Variants in RPAP2 observed in about 807,000 individuals in gnomAD.
RPAP2 encodes RNA polymerase II associated protein 2.
A neutral mutation model predicts 73.1 loss-of-function variants in RPAP2; 52 were observed. The observed-to-expected ratio is 0.71, with a 90% CI of 0.57 to 0.90. The LOEUF (loss-of-function observed/expected upper bound fraction) is 0.90. RPAP2 is among the 40% of genes least tolerant of loss of function. The probability of loss-of-function intolerance (pLI) is 0.00; values close to 1 mark genes in which losing one functional copy is unlikely to be tolerated. For synonymous variants in RPAP2, 225 were observed against 242.1 expected, an observed-to-expected ratio of 0.93 and a Z score of 0.65; for missense variants, 598 against 701.8, an observed-to-expected ratio of 0.85 and a Z score of 1.67.
intron 11 of RPAP2, among the ~76,000 whole-genome samples, chr1:92,365,533 A>C (rs906264770): frequency 6.6e-6 from 1 of 152,218 alleles, no homozygotes; most frequent in African/African-American, 2.4e-5. Flanking sequence ...ATTCTAGTGC[A>C]CATTGGTGTG....
At chr1:92,355,583 CTCTT>C (rs753826876) in intron 11 of RPAP2, among the ~76,000 whole-genome samples, 1 of 152,156 alleles carries the variant, frequency 6.6e-6, no homozygotes, top group Non-Finnish European at 1.5e-5. Context: ...TAGTCAGTCA[CTCTT>C]TCTATGGAAA....
intron 11 of RPAP2, among the ~76,000 whole-genome samples, chr1:92,353,415 A>T (rs1654313602): frequency 6.6e-6 from 1 of 152,216 alleles, no homozygotes; most frequent in African/African-American, 2.4e-5. Flanking sequence ...AAAAACTTAA[A>T]TATGCCTAAT....
intron 6 of RPAP2, among the ~76,000 whole-genome samples, chr1:92,317,231 C>G (rs773638522): frequency 1.3e-5 from 2 of 152,058 alleles, no homozygotes; most frequent in South Asian, 2.1e-4. Context: ...GTTGAAGGCT[C>G]GGTGCGGTGG....
intron 6 of RPAP2, among the ~76,000 whole-genome samples, 197 bp from the exon 7 acceptor site, chr1:92,320,402 A>T (rs1652180997): frequency 6.6e-6 from 1 of 151,908 alleles, no homozygotes; most frequent in African/African-American, 2.4e-5. Flanking sequence ...CCTCCTGAGT[A>T]GCTGGGACTA....
At chr1:92,334,316 C>A (rs78264226) in intron 9 of RPAP2, among the ~76,000 whole-genome samples, 3 of 151,916 alleles carry the variant, frequency 2.0e-5, no homozygotes, top group Non-Finnish European at 4.4e-5. Context: ...CAAAGTTAGA[C>A]CTTTTTTGGT....
rs375825116 is a variant in RPAP2 at position 92,315,340 on chromosome 1, A to G, written c.489-5259A>G. 1.6e-4 allele frequency among the ~76,000 whole-genome samples: 25 copies of G among 152,326 alleles called. No homozygotes were observed. In the East Asian group the frequency reaches 3.7e-3, roughly 22 times the overall value. ...GCTTGGTTCATGGTACCCCAAAGCAATTACAACAGTAACATCAAAAATTAC... is the reference window on the plus strand; with the variant it reads ...GCTTGGTTCATGGTACCCCAAAGCAGTTACAACAGTAACATCAAAAATTAC... On this transcript the variant is annotated intron_variant, in intron 6 of 12. Coordinates refer to ENST00000610020, the MANE Select transcript of RPAP2 (RefSeq NM_024813.3).
chr1:92,368,386 G>GA (rs796660206), intron 11 of RPAP2, among the ~76,000 whole-genome samples: 1 of 151,838 alleles, frequency 6.6e-6, no homozygotes, highest in Non-Finnish European at 1.5e-5. Context: ...CTCAAAAAAA[G>GA]AAAAAAATCC....
In RPAP2 at chr1:92,388,452, A is replaced by T. The variant is rs558796492; in HGVS notation, c.*1441A>T. 6.6e-6 allele frequency: 1 copy of T among 152,486 alleles called. No homozygotes were observed. The highest frequency in any genetic ancestry group is 2.4e-5 in the African/African-American group (1 of 41,594). The allele number at this position is 152,486 out of a possible 1,614,324, so 9.4% of individuals were successfully genotyped here. A position where few individuals can be genotyped will look rare whatever the true frequency, so the allele number is the denominator to read the frequency against. On this transcript the variant is annotated 3_prime_UTR_variant, in exon 13 of 13. Coordinates refer to ENST00000610020, the MANE Select transcript of RPAP2 (RefSeq NM_024813.3). The stretch of plus-strand genomic sequence containing the variant: ...CAGTCTACAGCTCCCAGCAGGATGG[A>T]CACAGAAGATGGGTGATTTCTGCAT...
chr1:92,354,725 A>G (rs1200338219), intron 11 of RPAP2, among the ~76,000 whole-genome samples: 1 of 152,032 alleles, frequency 6.6e-6, no homozygotes, highest in Non-Finnish European at 1.5e-5. Context: ...TGAAATGGAA[A>G]GTTCATAGTG....
At chr1:92,310,360 C>T (rs1255284703) in intron 6 of RPAP2, among the ~76,000 whole-genome samples, 1 of 152,182 alleles carries the variant, frequency 6.6e-6, no homozygotes, top group East Asian at 1.9e-4. Context: ...TTTTTAAAAG[C>T]TTGTCTAGCT....
At chr1:92,378,197 A>G (rs1655473501) in intron 11 of RPAP2, among the ~76,000 whole-genome samples, 1 of 151,890 alleles carries the variant, frequency 6.6e-6, no homozygotes, top group African/African-American at 2.4e-5. Flanking sequence ...TCATTCATTC[A>G]TTCATTCATT....
intron 11 of RPAP2, among the ~76,000 whole-genome samples, chr1:92,368,214 A>C (rs527464185): frequency 6.6e-6 from 1 of 152,268 alleles, no homozygotes; most frequent in South Asian, 2.1e-4. Context: ...CCCCATCTCT[A>C]ATAAAAATAC....
intron 10 of RPAP2, among the ~76,000 whole-genome samples, chr1:92,341,069 C>T (rs912248126): frequency 1.3e-5 from 2 of 152,120 alleles, no homozygotes. Flanking sequence ...ACTGCCGTGT[C>T]GTGATCTCAA....
At chr1:92,372,161 C>T (rs984381667) in intron 11 of RPAP2, among the ~76,000 whole-genome samples, 1 of 151,936 alleles carries the variant, frequency 6.6e-6, no homozygotes, top group Non-Finnish European at 1.5e-5. Context: ...ATGTAGATAC[C>T]CTAAATTGCT....
intron 11 of RPAP2, chr1:92,363,679 A>C: frequency 3.4e-6 from 1 of 294,682 alleles, no homozygotes. Flanking sequence ...TAGCAAGACC[A>C]ACCCCACTTC....
chr1:92,337,801 A>G (rs757500893), intron 10 of RPAP2, among the ~76,000 whole-genome samples: 5 of 152,132 alleles, frequency 3.3e-5, no homozygotes, highest in Non-Finnish European at 5.9e-5. Context: ...ATTCATCGTC[A>G]ATTCCCCAAC....
chr1:92,386,806 T>G (rs1216566641), intron 12 of RPAP2, among the ~76,000 whole-genome samples: 2 of 152,144 alleles, frequency 1.3e-5, no homozygotes, highest in African/African-American at 2.4e-5. Context: ...GTTCAAGCAA[T>G]TCTTCTGCCT....
In RPAP2 at chr1:92,387,503, A is replaced by C. The variant is rs1321622788; in HGVS notation, c.*492A>C. The C allele has an allele frequency of 3.3e-5, 5 of 152,268 alleles. No individual in the cohort carries two copies. The highest frequency in any genetic ancestry group is 1.2e-4 in the African/African-American group (5 of 41,462). The allele number at this position is 152,268 out of a possible 1,614,324, so 9.4% of individuals were successfully genotyped here. On this transcript the variant is annotated 3_prime_UTR_variant, in exon 13 of 13. Coordinates refer to ENST00000610020, the MANE Select transcript of RPAP2 (RefSeq NM_024813.3). ...GCCCTTTGGAAGTCTAGTCCAAAAC[A>C]GGAAAATCTCAGAACTTTCTGGACT...
intron 11 of RPAP2, among the ~76,000 whole-genome samples, chr1:92,349,714 G>T (rs1654101655): frequency 6.6e-6 from 1 of 152,048 alleles, no homozygotes; most frequent in African/African-American, 2.4e-5. Context: ...GATTGCTTGA[G>T]CCCAGGAGTT....
Sources: gnomAD v4.1 joint callset for allele counts (sites outside exome capture counted in the v4.1 genomes callset) on GRCh38, gnomAD v4.1.1 for gene constraint, MANE v1.5 for transcripts, NCBI Gene and HGNC (gene_info 2026-07-23, HGNC 2026-07-21) for gene names.